Variants in MEOX2 observed in about 807,000 individuals in gnomAD.
MEOX2 encodes homeobox protein MOX-2.
A neutral mutation model predicts 27.0 loss-of-function variants in MEOX2; 11 were observed. The observed-to-expected ratio is 0.41, with a 90% CI of 0.26 to 0.68. MEOX2 has a LOEUF of 0.68. Among genes scored for constraint, MEOX2 ranks in the 30% least tolerant of loss-of-function variants. MEOX2 has a pLI of 0.33. For synonymous variants in MEOX2, 189 were observed against 155.4 expected, an observed-to-expected ratio of 1.22 and a Z score of -1.61; for missense variants, 436 against 385.4, an observed-to-expected ratio of 1.13 and a Z score of -1.10.
chr7:15,618,943 C>T (rs4527782), intron 2 of MEOX2, among the ~76,000 whole-genome samples: 149,332 of 152,078 alleles, frequency 0.98, 73,330 homozygotes, highest in East Asian at 1. Context: ...TTGGAAGTGA[C>T]AAAGGGATCT....
chr7:15,638,754 AT>A (rs768043831), intron 1 of MEOX2, among the ~76,000 whole-genome samples: 1 of 151,916 alleles, frequency 6.6e-6, no homozygotes, highest in African/African-American at 2.4e-5. Context: ...TTTCTGAGTT[AT>A]TTCACTTAAG....
intron 1 of MEOX2, chr7:15,679,989 A>T (rs1782266777): frequency 6.6e-6 from 1 of 151,908 alleles, no homozygotes; most frequent in South Asian, 2.1e-4. Context: ...TAAATTTAGA[A>T]ATATTATATT....
intron 1 of MEOX2, among the ~76,000 whole-genome samples, chr7:15,672,717 C>T (rs962246322): frequency 9.9e-5 from 15 of 151,656 alleles, no homozygotes; most frequent in Non-Finnish European, 1.6e-4. Flanking sequence ...ATGGTGAAAC[C>T]CCATCTCTAC....
chr7:15,629,346 G>C (rs1781363095), intron 1 of MEOX2, among the ~76,000 whole-genome samples: 1 of 151,978 alleles, frequency 6.6e-6, no homozygotes, highest in Non-Finnish European at 1.5e-5. Context: ...TATACAACAG[G>C]AGGTTTATAC....
chr7:15,683,981 G>T (rs1376566384), intron 1 of MEOX2, among the ~76,000 whole-genome samples: 1 of 152,110 alleles, frequency 6.6e-6, no homozygotes, highest in East Asian at 1.9e-4. Context: ...AGTTGGGGGG[G>T]AGAGATAAAT....
chr7:15,623,325 C>T (rs1021367704), intron 2 of MEOX2, among the ~76,000 whole-genome samples: 1 of 152,138 alleles, frequency 6.6e-6, no homozygotes, highest in Non-Finnish European at 1.5e-5. Flanking sequence ...CAGTAAAATT[C>T]AGCCCAGAAA....
chr7:15,627,603 TGTAACATCA>T (rs1781333931), intron 1 of MEOX2, among the ~76,000 whole-genome samples: 1 of 152,062 alleles, frequency 6.6e-6, no homozygotes, highest in Admixed American at 6.6e-5. Flanking sequence ...GTGCACAACA[TGTAACATCA>T]GTGATCCACA....
At chr7:15,616,255 C>T (rs1781122286) in intron 2 of MEOX2, among the ~76,000 whole-genome samples, 2 of 151,162 alleles carry the variant, frequency 1.3e-5, no homozygotes, top group African/African-American at 4.9e-5. Flanking sequence ...AGCAAGGAAA[C>T]AAAAAATTGC....
chr7:15,640,329 T>A (rs1009916370), intron 1 of MEOX2, among the ~76,000 whole-genome samples: 12 of 151,886 alleles, frequency 7.9e-5, no homozygotes, highest in Non-Finnish European at 1.8e-4. Context: ...GTTCTGAGAT[T>A]GAGCACTGTT....
intron 1 of MEOX2, among the ~76,000 whole-genome samples, chr7:15,663,492 C>A (rs1781948443): frequency 8.3e-6 from 1 of 120,918 alleles, no homozygotes; most frequent in African/African-American, 3.1e-5. Flanking sequence ...GCCACCACAC[C>A]CGGCTAATTT....
At chr7:15,614,561 CT>C (rs1213528218) in intron 2 of MEOX2, among the ~76,000 whole-genome samples, 3 of 152,104 alleles carry the variant, frequency 2.0e-5, no homozygotes, top group African/African-American at 4.8e-5. Flanking sequence ...AATAACCCAG[CT>C]TTTTTCCAGT....
chr7:15,666,814 G>A (rs1782016044), intron 1 of MEOX2, among the ~76,000 whole-genome samples: 1 of 121,264 alleles, frequency 8.2e-6, no homozygotes, highest in Admixed American at 8.5e-5. Flanking sequence ...ATATTCAAAT[G>A]GTAAAAATTG....
At chr7:15,685,529 A>C (rs1476888155) in intron 1 of MEOX2, among the ~76,000 whole-genome samples, 1 of 152,322 alleles carries the variant, frequency 6.6e-6, no homozygotes, top group East Asian at 1.9e-4. Flanking sequence ...ACGCCTGCCC[A>C]ACGGACGCTG....
rs571124331 is a variant in MEOX2 at position 15,667,596 on chromosome 7, T to C, written c.517+18290A>G. 3.9e-5 allele frequency among the ~76,000 whole-genome samples: 6 copies of C among 152,156 alleles called. No homozygotes were observed. In the East Asian group the frequency reaches 9.7e-4, roughly 25 times the overall value. On this transcript the variant is annotated intron_variant, in intron 1 of 2. Coordinates refer to ENST00000262041, the MANE Select transcript of MEOX2 (RefSeq NM_005924.5). ...AATTATGATGCTGCTGAAACACCTA[T>C]TGCATTGGTGTGTGTGTTGGGGGAC...
intron 1 of MEOX2, among the ~76,000 whole-genome samples, chr7:15,644,372 C>A (rs1311186310): frequency 6.6e-6 from 1 of 152,164 alleles, no homozygotes; most frequent in African/African-American, 2.4e-5. Flanking sequence ...TGGAGTTTCC[C>A]TCTTTTACCC....
chr7:15,617,579 G>C (rs1233375436), intron 2 of MEOX2, among the ~76,000 whole-genome samples: 1 of 152,060 alleles, frequency 6.6e-6, no homozygotes, highest in African/African-American at 2.4e-5. Context: ...ATCTGATTAA[G>C]AGAAGGAATT....
At chr7:15,654,409 T>A (rs1781788053) in intron 1 of MEOX2, among the ~76,000 whole-genome samples, 1 of 151,798 alleles carries the variant, frequency 6.6e-6, no homozygotes, top group Admixed American at 6.6e-5. Flanking sequence ...TTTATTTCCT[T>A]TTCTGGCCTT....
intron 2 of MEOX2, among the ~76,000 whole-genome samples, chr7:15,624,453 G>A (rs1781266134): frequency 1.3e-5 from 2 of 152,124 alleles, no homozygotes; most frequent in Non-Finnish European, 2.9e-5. Context: ...ACTGAGTTTG[G>A]TCACATGGCT....
intron 1 of MEOX2, 24 bp downstream of exon 1, chr7:15,685,862 C>A: frequency 6.4e-7 from 1 of 1,563,452 alleles, no homozygotes; most frequent in South Asian, 1.2e-5. Flanking sequence ...CGCGCACTCT[C>A]GAGGGTGCCT....
Sources: gnomAD v4.1 joint callset for allele counts (sites outside exome capture counted in the v4.1 genomes callset) on GRCh38, gnomAD v4.1.1 for gene constraint, MANE v1.5 for transcripts, NCBI Gene and HGNC (gene_info 2026-07-23, HGNC 2026-07-21) for gene names.